Variants in LMF1 observed in about 807,000 individuals in gnomAD.
LMF1 encodes transmembrane protein 112.
LMF1 carries 68 observed loss-of-function variants against 60.6 expected under a neutral mutation model. The observed-to-expected ratio is 1.12, with a 90% CI of 0.92 to 1.37. The LOEUF is 1.37. Ranked by LOEUF, LMF1 falls within the 40% of genes most tolerant of loss-of-function variation. The pLI is 0.00. For missense variants in LMF1, 948 were observed against 767.2 expected (o/e 1.24, Z -2.78); for synonymous variants, 418 against 324.7 (o/e 1.29, Z -3.09).
intron 3 of LMF1, among the ~76,000 whole-genome samples, chr16:915,882 T>A (rs1284936460): frequency 1.3e-5 from 2 of 150,372 alleles, no homozygotes; most frequent in African/African-American, 4.9e-5. Context: ...CCGGAGCAGG[T>A]GAGACTTGGG....
intron 4 of LMF1, among the ~76,000 whole-genome samples, chr16:893,931 C>T (rs1054610213): frequency 2.0e-5 from 3 of 152,068 alleles, no homozygotes; most frequent in African/African-American, 7.3e-5. Context: ...TCCTCCATGA[C>T]AGGGGTTTCT....
At chr16:909,199 C>T (rs1281448125) in intron 4 of LMF1, among the ~76,000 whole-genome samples, 1 of 152,192 alleles carries the variant, frequency 6.6e-6, no homozygotes, top group African/African-American at 2.4e-5. Flanking sequence ...TTCTGCAGCA[C>T]TGGCTAAGGG....
In LMF1 at chr16:870,248, C is replaced by T. The variant is rs55886967; in HGVS notation, c.1233-182G>A. The stretch of plus-strand genomic sequence containing the variant: ...TGGGGCTGAGGAGAACTTTTGGGAA[C>T]TGTGGCCCCAGGGTCTCATTCGAGA... On this transcript the variant is annotated intron_variant, in intron 8 of 10. Transcript: ENST00000262301. 0.018 allele frequency among the ~76,000 whole-genome samples: 2,676 copies of T among 152,308 alleles called. 84 individuals are homozygous for T. Among genetic ancestry groups the T allele is most frequent in the African/African-American group, 0.061 (2,533 of 41,568 alleles).
In LMF1 at chr16:970,795, G is replaced by T. The variant is rs959393017; in HGVS notation, c.186C>A (p.Phe62Leu). 23 of 1,533,084 alleles carry T rather than the reference G, an allele frequency of 1.5e-5. No individual in the cohort carries two copies. The highest frequency in any genetic ancestry group is 2.0e-5 in the Admixed American group (1 of 49,778). 95.0% of individuals were successfully genotyped at this position (1,533,084 alleles called of 1,614,324 possible). A position where few individuals can be genotyped will look rare whatever the true frequency, so the allele number is the denominator to read the frequency against. The change falls in exon 1 of 11, where the codon TTC (phenylalanine) becomes TTA (leucine). Residue 62 changes from phenylalanine (F) to leucine (L), a missense_variant. Transcript: ENST00000262301. Reference sequence around the variant, plus strand: ...GGCCCGCCCGGCACTCACAGTACACGAAGGCTAGGGCCTTCAGGAGCACGA... The same window carrying T: ...GGCCCGCCCGGCACTCACAGTACACTAAGGCTAGGGCCTTCAGGAGCACGA... ...TRIVLLKALAFVYFVAFLVAF... is the reference protein window; with the variant it reads ...TRIVLLKALALVYFVAFLVAF...
intron 5 of LMF1, among the ~76,000 whole-genome samples, chr16:890,834 G>A (rs1362554639): frequency 1.3e-5 from 2 of 148,380 alleles, no homozygotes; most frequent in Admixed American, 1.4e-4. Context: ...CTGCCTGCAG[G>A]CCCTGACACT....
At chr16:939,352 G>GT (rs2072033331) in intron 2 of LMF1, among the ~76,000 whole-genome samples, 1 of 152,244 alleles carries the variant, frequency 6.6e-6, no homozygotes, top group Non-Finnish European at 1.5e-5. Flanking sequence ...AGTTCACACA[G>GT]TAAGTCACAG....
intron 1 of LMF1, among the ~76,000 whole-genome samples, chr16:978,115 C>T (rs2073219829): frequency 7.1e-6 from 1 of 140,980 alleles, no homozygotes; most frequent in South Asian, 2.2e-4. Context: ...ACACACCACA[C>T]ACCATACACA....
intron 10 of LMF1, among the ~76,000 whole-genome samples, chr16:861,256 G>A (rs530312898): frequency 5.3e-5 from 8 of 151,540 alleles, no homozygotes; most frequent in East Asian, 1.9e-4. Context: ...TAATTTAGGT[G>A]TCTGTGTGTT....
At chr16:884,109 CTT>C (rs1480501380) in intron 5 of LMF1, 1 of 152,218 alleles carries the variant, frequency 6.6e-6, no homozygotes, top group African/African-American at 2.4e-5. Flanking sequence ...GAAATGGCCT[CTT>C]TACTCCTGAT....
intron 10 of LMF1, among the ~76,000 whole-genome samples, chr16:861,081 G>A (rs1380835019): frequency 1.3e-5 from 2 of 151,888 alleles, no homozygotes; most frequent in East Asian, 3.9e-4. Context: ...TCATCTCCAC[G>A]TTGTTGTATC....
chr16:877,361 G>A (rs529594656), intron 6 of LMF1, among the ~76,000 whole-genome samples: 29 of 152,310 alleles, frequency 1.9e-4, no homozygotes, highest in African/African-American at 5.5e-4. Flanking sequence ...CCTACGGCCC[G>A]CAAGGGTGAT....
intron 3 of LMF1, among the ~76,000 whole-genome samples, chr16:917,235 G>A (rs1487565110): frequency 6.6e-6 from 1 of 152,252 alleles, no homozygotes; most frequent in Non-Finnish European, 1.5e-5. Context: ...CAGCCATGGT[G>A]TGGCCACGCA....
chr16:869,202 G>C (rs1026910384), intron 9 of LMF1, 146 bp from the exon 10 acceptor site: 3 of 692,454 alleles, frequency 4.3e-6, no homozygotes, highest in African/African-American at 1.7e-5. Context: ...CTCTTTGGCT[G>C]GGGTCCCCTT....
rs1254174185 is a variant in LMF1, at chr16:910,994, G to A, written c.600C>T (p.Thr200=). 2.5e-6 allele frequency: 4 copies of A among 1,612,982 alleles called. No individual in the cohort carries two copies. Among genetic ancestry groups the A allele is most frequent in the African/African-American group, 2.7e-5 (2 of 74,922 alleles). Residue 200 remains threonine, a synonymous_variant, in exon 4 of 11, where the codon ACC becomes ACT. Coordinates refer to ENST00000262301, the MANE Select transcript of LMF1 (RefSeq NM_022773.4). ...CCCACAGGACAATCCGGGATGTGGGGGTATGCTGGGGCAGCCTTGACAGCG... is the reference window on the plus strand; with the variant it reads ...CCCACAGGACAATCCGGGATGTGGGAGTATGCTGGGGCAGCCTTGACAGCG... The part of the protein sequence containing the change: ...LWTLSRLPQH[T]PTSRIVLWGF...
At chr16:854,936 C>CG (rs1046026472) in intron 10 of LMF1, 6 of 586,408 alleles carry the variant, frequency 1.0e-5, no homozygotes, top group Middle Eastern at 4.6e-4. Context: ...GAAGGGCGGA[C>CG]GGGGGGCAGC....
chr16:907,690 G>T (rs1173643066), intron 4 of LMF1, among the ~76,000 whole-genome samples: 11 of 152,194 alleles, frequency 7.2e-5, no homozygotes, highest in Admixed American at 6.5e-5. Flanking sequence ...GGGGGAAGGG[G>T]TGTGCGTGCC....
At chr16:934,279 T>C (rs752450314) in intron 2 of LMF1, 25 bp from the exon 3 acceptor site, 2 of 1,598,832 alleles carry the variant, frequency 1.3e-6, no homozygotes, top group Non-Finnish European at 1.7e-6. Context: ...AAGAAACGAG[T>C]ATTAACACTT....
upstream of LMF1, among the ~76,000 whole-genome samples, chr16:971,506 C>CG (rs2151499675): frequency 6.6e-6 from 1 of 152,322 alleles, no homozygotes; most frequent in Admixed American, 6.5e-5. Flanking sequence ...CTGGAATGCT[C>CG]GGGGGACCCT....
chr16:881,018 G>A (rs1046743372), intron 5 of LMF1, among the ~76,000 whole-genome samples: 3 of 152,216 alleles, frequency 2.0e-5, no homozygotes, highest in Non-Finnish European at 4.4e-5. Flanking sequence ...CTGCAGGGAG[G>A]GAGGCGGCCC....
Sources: allele counts gnomAD v4.1 joint callset (sites outside exome capture counted in the v4.1 genomes callset), GRCh38; gene constraint gnomAD v4.1.1; transcripts MANE v1.5; gene names NCBI Gene and HGNC (gene_info 2026-07-23, HGNC 2026-07-21).